PNCK: variants seen among roughly 807,000 people sequenced by gnomAD.
PNCK encodes the protein calcium/calmodulin-dependent protein kinase type 1B.
A neutral mutation model predicts 28.3 loss-of-function variants in PNCK; 21 were observed. The ratio of observed to expected loss-of-function variants is 0.74; its 90% confidence interval spans 0.53 to 1.07. PNCK has a LOEUF of 1.07. Ranked by LOEUF, PNCK falls within the 50% of genes least tolerant of loss-of-function variation. PNCK has a pLI of 0.00. For missense variants in PNCK, 250 were observed against 298.3 expected (o/e 0.84, Z 1.19); for synonymous variants, 136 against 125.2 (o/e 1.09, Z -0.58).
chrX:153,678,918 T>G (rs1438678766), upstream of PNCK, among the ~76,000 whole-genome samples: 1 of 110,233 alleles, frequency 9.1e-6, no homozygotes, highest in Admixed American at 9.8e-5. Flanking sequence ...TTTGTCAGGC[T>G]TTTTACTATG....
In PNCK at chrX:153,671,383, C is replaced by T. The variant is rs182261010; in HGVS notation, c.539-23G>A. 3.6e-5 allele frequency: 44 copies of T among 1,210,511 alleles called. No homozygotes were observed. In the South Asian group the frequency reaches 5.5e-4, roughly 15 times the overall value. ...GGGCTGGGGGCCAGAGACAGACAGACGCACGCACAGGCACACACGCAGCCA... is the reference window on the plus strand; with the variant it reads ...GGGCTGGGGGCCAGAGACAGACAGATGCACGCACAGGCACACACGCAGCCA... On this transcript the variant is annotated intron_variant, in intron 6 of 11. Coordinates refer to ENST00000340888, the MANE Select transcript of PNCK (RefSeq NM_001366977.1).
At chrX:153,672,323 G>A in intron 3 of PNCK, 123 bp from the exon 4 acceptor site, 1 of 860,101 alleles carries the variant, frequency 1.2e-6, no homozygotes, top group Non-Finnish European at 1.6e-6. Flanking sequence ...CCTACCACAT[G>A]CCACCCCTGC....
intron 1 of PNCK, among the ~76,000 whole-genome samples, chrX:153,684,965 C>G (rs1269579421): frequency 9.7e-6 from 1 of 103,416 alleles, no homozygotes; most frequent in Non-Finnish European, 2.0e-5. Context: ...CCCCGCCCCT[C>G]CCCGGTCGCC....
chrX:153,676,156 A>G (rs1453099973), upstream of PNCK, among the ~76,000 whole-genome samples: 3 of 110,233 alleles, frequency 2.7e-5, no homozygotes, highest in Non-Finnish European at 5.7e-5. Context: ...GTTAAGCCCT[A>G]TCCTATGTAG....
Position 153,672,611 on chromosome X carries a change from C to T in PNCK, c.155G>A (p.Arg52Gln), listed in dbSNP as rs1557040353. 4.1e-6 allele frequency: 5 copies of T among 1,207,857 alleles called. No homozygotes were observed. In the South Asian group the frequency reaches 5.3e-5, roughly 13 times the overall value. ...GTTCTCCACCAGGGCCTCCTTGCCC[C>T]GGAGGGCCTTCTTGGGGATGCACTT... is the stretch of plus-strand genomic sequence containing the variant. ...ALKCIPKKAL[R>Q]GKEALVENEI... Residue 52 changes from arginine to glutamine, a missense_variant, in exon 3 of 12, where the codon CGG becomes CAG. Physicochemically the swap from Arg to Gln is conservative, Grantham distance 43 (BLOSUM62 1). Transcript: ENST00000340888.
rs782574746 is a variant in PNCK at position 153,672,655 on chromosome X, G to T, written c.111C>A (p.Ser37=). 8.3e-7 allele frequency: 1 copy of T among 1,205,165 alleles called. No homozygotes were observed. Among genetic ancestry groups the T allele is most frequent in the Non-Finnish European group, 1.1e-6 (1 of 895,001 alleles). The change falls in exon 3 of 12, where the codon TCC becomes TCA. Residue 37 remains serine (S), a synonymous_variant. Coordinates refer to ENST00000340888, the MANE Select transcript of PNCK (RefSeq NM_001366977.1). ...SEVVLAQERG[S]AHLVALKCIP... Reference sequence around the variant, plus strand: ...TGCACTTGAGGGCCACGAGGTGTGCGGAGCCCCGCTCCTGGGCCAGCACCA... The same window carrying T: ...TGCACTTGAGGGCCACGAGGTGTGCTGAGCCCCGCTCCTGGGCCAGCACCA...
chrX:153,677,689 G>GTA (rs201684847), upstream of PNCK, among the ~76,000 whole-genome samples: 13 of 80,820 alleles, frequency 1.6e-4, no homozygotes, highest in South Asian at 1.7e-3. Context: ...TATATATAGT[G>GTA]TATATATAGT....
chrX:153,679,552 TTTTC>T (rs1328561353), upstream of PNCK, among the ~76,000 whole-genome samples: 2 of 99,380 alleles, frequency 2.0e-5, no homozygotes, highest in Non-Finnish European at 4.0e-5. Flanking sequence ...GGGATTTTTC[TTTTC>T]TTTTCTTTTC....
Position 153,673,037 on chromosome X carries a change from C to T in PNCK, c.40G>A (p.Val14Ile). Reference protein sequence around the residue: ...LKKHTEDISSVYEIRERLGSG... With the variant: ...LKKHTEDISSIYEIRERLGSG... ...CCGAGCCTCTCGCGGATCTCGTAGA[C>T]GCTGCTGATGTCCTCCGTGTGTTTC... is the stretch of plus-strand genomic sequence containing the variant. The change falls in exon 2 of 12, where the codon GTC becomes ATC. Residue 14 changes from valine to isoleucine, a missense_variant. Coordinates refer to ENST00000340888, the MANE Select transcript of PNCK (RefSeq NM_001366977.1). The T allele has an allele frequency of 2.5e-6, 3 of 1,198,528 alleles. No homozygotes were observed. Among genetic ancestry groups the T allele is most frequent in the South Asian group, 3.6e-5 (2 of 55,328 alleles).
upstream of PNCK, among the ~76,000 whole-genome samples, chrX:153,677,814 G>C (rs2091377405): frequency 9.6e-6 from 1 of 104,333 alleles, no homozygotes; most frequent in Admixed American, 1.1e-4. Context: ...TAGTGTGTAT[G>C]TATATATATA....
At chrX:153,684,476 G>A (rs1295909449) in intron 1 of PNCK, among the ~76,000 whole-genome samples, 1 of 101,988 alleles carries the variant, frequency 9.8e-6, no homozygotes, top group Non-Finnish European at 2.0e-5. Context: ...GCAGGCCCTC[G>A]CCCCCAGCCC....
At chrX:153,670,858 G>T (rs372476125) in intron 9 of PNCK, 27 bp from the exon 10 acceptor site, 4 of 1,208,783 alleles carry the variant, frequency 3.3e-6, no homozygotes, top group Non-Finnish European at 3.4e-6. Context: ...GGTCAGGGGG[G>T]GTCTCTCTGC....
At chrX:153,686,160 C>T (rs887412827) in intron 1 of PNCK, among the ~76,000 whole-genome samples, 3 of 111,886 alleles carry the variant, frequency 2.7e-5, no homozygotes, top group African/African-American at 9.8e-5. Context: ...CCTCGGCCTC[C>T]TCTGATCTCA....
chrX:153,682,427 G>A (rs1416497753), intron 1 of PNCK, among the ~76,000 whole-genome samples: 2 of 111,394 alleles, frequency 1.8e-5, no homozygotes, highest in African/African-American at 3.3e-5. Context: ...GCACAGGTGC[G>A]TGTCACCGCC....
At position 153,672,190 on chromosome X, in the gene PNCK, G is replaced by T; in HGVS notation, c.211C>A (p.Pro71Thr). The T allele has an allele frequency of 8.3e-7, 1 of 1,205,156 alleles. No individual in the cohort carries two copies. The highest frequency in any genetic ancestry group is 1.1e-6 in the Non-Finnish European group (1 of 892,155). Reference sequence around the variant, plus strand: ...ACATCCTCCAGAGCGACGATGTTGGGGTGACTGATCCTGCAATGGCAAGGA... The same window carrying T: ...ACATCCTCCAGAGCGACGATGTTGGTGTGACTGATCCTGCAATGGCAAGGA... ...EIAVLRRISHPNIVALEDVHE... is the reference protein window; with the variant it reads ...EIAVLRRISHTNIVALEDVHE... Residue 71 changes from proline to threonine, a missense_variant, in exon 4 of 12, where the codon CCC becomes ACC. Physicochemically the swap from Pro to Thr is conservative, Grantham distance 38. Transcript: ENST00000340888.
upstream of PNCK, chrX:153,687,740 C>T (rs2091427551): frequency 4.0e-6 from 1 of 247,315 alleles, no homozygotes; most frequent in African/African-American, 3.5e-5. Context: ...ACCATCCTGC[C>T]TCCCGCTGGA....
At chrX:153,670,678 G>A in intron 10 of PNCK, 66 bp downstream of exon 10, 1 of 1,188,553 alleles carries the variant, frequency 8.4e-7, no homozygotes, top group Non-Finnish European at 1.1e-6. Flanking sequence ...TCACTGGGCA[G>A]CCACGGCGAT....
At chrX:153,682,073 C>CCGCCT (rs1340666840) in intron 1 of PNCK, among the ~76,000 whole-genome samples, 34 of 110,826 alleles carry the variant, frequency 3.1e-4, no homozygotes, top group Non-Finnish European at 6.1e-4. Context: ...ACTGCAACCT[C>CCGCCT]CGCCTCCTGG....
At chrX:153,673,313 C>A (rs1557040838) in intron 1 of PNCK, 3 of 1,169,721 alleles carry the variant, frequency 2.6e-6, no homozygotes, top group Middle Eastern at 2.4e-4. Flanking sequence ...CCCCCGCACC[C>A]CGAAGGCGAC....
Sources: allele counts gnomAD v4.1 joint callset (sites outside exome capture counted in the v4.1 genomes callset), GRCh38; gene constraint gnomAD v4.1.1; transcripts MANE v1.5; gene names NCBI Gene and HGNC (gene_info 2026-07-23, HGNC 2026-07-21).